The following TMEM117 variants were observed in gnomAD, a reference collection of about 807,000 sequenced individuals.
TMEM117 encodes the protein transmembrane protein 117.
A neutral mutation model predicts 52.4 loss-of-function variants in TMEM117; 27 were observed. That is an observed-to-expected ratio of 0.51 (90% confidence interval 0.38 to 0.71). The LOEUF is 0.71. Ranked by LOEUF, TMEM117 falls within the 30% of genes least tolerant of loss-of-function variation. TMEM117 has a pLI of 0.00. For synonymous variants in TMEM117, 215 were observed against 206.3 expected, an observed-to-expected ratio of 1.04 and a Z score of -0.36; for missense variants, 556 against 630.5, an observed-to-expected ratio of 0.88 and a Z score of 1.26.
chr12:43,927,072 A>G (rs11182337), intron 2 of TMEM117, among the ~76,000 whole-genome samples: 118,661 of 151,968 alleles, frequency 0.78, 49,227 homozygotes, highest in Non-Finnish European at 0.91. Flanking sequence ...CCTATTTTCA[A>G]CTATTTTTGT....
the TMEM117 span, among the ~76,000 whole-genome samples, chr12:43,826,093 C>G: frequency 6.6e-6 from 1 of 152,208 alleles, no homozygotes. Flanking sequence ...CTTGCCCAAG[C>G]CAGAAATCTA....
chr12:43,968,236 A>ACACAGTGG lies in TMEM117; in HGVS notation c.410+23896_410+23897insCAGTGGCA, dbSNP rs1174174377. Among the ~76,000 whole-genome samples, 6 of 152,192 alleles carry ACACAGTGG rather than the reference A, an allele frequency of 3.9e-5. No homozygotes were observed. In the East Asian group the frequency reaches 9.6e-4, roughly 24 times the overall value. ...TAAAATGTAGAGAACACCTTCAGTGACATTTCTAACAACATCCTTACCGTA... is the reference window on the plus strand; with the variant it reads ...TAAAATGTAGAGAACACCTTCAGTGACACAGTGGCATTTCTAACAACATCCTTACCGTA... On this transcript the variant is annotated intron_variant, in intron 3 of 7. Coordinates refer to ENST00000266534, the MANE Select transcript of TMEM117 (RefSeq NM_032256.3).
At chr12:44,316,855 G>A (rs946193120) in intron 6 of TMEM117, among the ~76,000 whole-genome samples, 2 of 151,404 alleles carry the variant, frequency 1.3e-5, no homozygotes, top group African/African-American at 4.9e-5. Flanking sequence ...TTTTCTGTTT[G>A]GTGTAGTATA....
In TMEM117 at chr12:44,024,961, G is replaced by A. The variant is rs180732182; in HGVS notation, c.410+80619G>A. On this transcript the variant is annotated intron_variant, in intron 3 of 7. Coordinates refer to ENST00000266534, the MANE Select transcript of TMEM117 (RefSeq NM_032256.3). Reference sequence around the variant, plus strand: ...TCTATTCCTAAGTGTAGGAAGGTTGGAGTGCTTGAATCAGGAACTAGATTT... The same window carrying A: ...TCTATTCCTAAGTGTAGGAAGGTTGAAGTGCTTGAATCAGGAACTAGATTT... Among the ~76,000 whole-genome samples the A allele has an allele frequency of 2.7e-3, 414 of 152,214 alleles. 4 individuals carry two copies. Among genetic ancestry groups the A allele is most frequent in the African/African-American group, 9.4e-3 (390 of 41,536 alleles).
chr12:44,245,211 G>GA (rs1555141498), intron 5 of TMEM117, among the ~76,000 whole-genome samples: 6 of 150,492 alleles, frequency 4.0e-5, no homozygotes, highest in Non-Finnish European at 8.9e-5. Flanking sequence ...AGTTTTTAGA[G>GA]TTTTTTTTTC....
chr12:43,802,394 T>A, the TMEM117 span: 6 of 1,605,116 alleles, frequency 3.7e-6, no homozygotes, highest in Non-Finnish European at 5.1e-6. Flanking sequence ...CCAACAGGGG[T>A]AAAACAAAGG....
chr12:44,022,774 T>G (rs1845858605), intron 3 of TMEM117, among the ~76,000 whole-genome samples: 1 of 152,194 alleles, frequency 6.6e-6, no homozygotes, highest in Admixed American at 6.5e-5. Context: ...GTATGTTCCT[T>G]TCTCATGATT....
At chr12:43,852,615 C>G (rs935651792) in intron 2 of TMEM117, among the ~76,000 whole-genome samples, 1 of 152,044 alleles carries the variant, frequency 6.6e-6, no homozygotes, top group Non-Finnish European at 1.5e-5. Context: ...CAAACAAAAA[C>G]AATTAATCAT....
intron 2 of TMEM117, among the ~76,000 whole-genome samples, chr12:43,885,409 CTTTT>C (rs1565734585): frequency 1.1e-3 from 48 of 43,598 alleles, no homozygotes; most frequent in Non-Finnish European, 2.1e-3. Context: ...TTTTCTTTTT[CTTTT>C]CTTTTCTTTT....
intron 5 of TMEM117, chr12:44,248,355 G>A (rs867507842): frequency 1.6e-4 from 24 of 152,280 alleles, no homozygotes; most frequent in African/African-American, 5.6e-4. Context: ...GGCAGACATT[G>A]CTCATCAAAC....
intron 3 of TMEM117, among the ~76,000 whole-genome samples, chr12:44,023,538 C>T (rs576377019): frequency 2.6e-5 from 4 of 152,164 alleles, no homozygotes; most frequent in East Asian, 3.9e-4. Context: ...GAGATGGTAT[C>T]TCATTGTGGT....
intron 4 of TMEM117, among the ~76,000 whole-genome samples, chr12:44,207,613 C>A (rs574699854): frequency 6.6e-6 from 1 of 152,092 alleles, no homozygotes; most frequent in African/African-American, 2.4e-5. Flanking sequence ...GATTGATTGT[C>A]AAATCCTTTG....
chr12:44,012,328 G>A lies in TMEM117; in HGVS notation c.410+67986G>A, dbSNP rs548207953. ...GTTCTGTGAGCATCGTGGAGCTGTG[G>A]TTTGTTGTCTAACATTAATTTGGAA... On this transcript the variant is annotated intron_variant, in intron 3 of 7. Transcript: ENST00000266534. 2.7e-5 allele frequency among the ~76,000 whole-genome samples: 4 copies of A among 150,736 alleles called. No homozygotes were observed. The South Asian group carries it at 8.4e-4, about 32-fold the overall frequency.
intron 4 of TMEM117, among the ~76,000 whole-genome samples, chr12:44,163,093 T>C (rs1383309005): frequency 1.3e-5 from 2 of 152,214 alleles, no homozygotes; most frequent in Admixed American, 1.3e-4. Context: ...GCTAGAAAAC[T>C]TTAGAGATGA....
the TMEM117 span, among the ~76,000 whole-genome samples, chr12:43,825,300 G>C: frequency 6.6e-6 from 1 of 152,220 alleles, no homozygotes; most frequent in African/African-American, 2.4e-5. Context: ...TGGCCTACCT[G>C]CTTTTAAGGA....
chr12:43,852,654 T>G (rs766447646), intron 2 of TMEM117, among the ~76,000 whole-genome samples: 6 of 152,230 alleles, frequency 3.9e-5, no homozygotes, highest in African/African-American at 1.4e-4. Flanking sequence ...CTTTATTTCA[T>G]GAAAACATTT....
At chr12:44,101,618 G>T (rs536191448) in intron 3 of TMEM117, among the ~76,000 whole-genome samples, 1 of 152,070 alleles carries the variant, frequency 6.6e-6, no homozygotes, top group East Asian at 1.9e-4. Flanking sequence ...AAACAAGCCT[G>T]GTCTTTCACT....
chr12:44,374,446 C>G (rs1038985340), intron 6 of TMEM117, among the ~76,000 whole-genome samples: 3 of 152,060 alleles, frequency 2.0e-5, no homozygotes, highest in Non-Finnish European at 4.4e-5. Flanking sequence ...CTTCACACCC[C>G]CAGGCCCAAA....
the TMEM117 span, among the ~76,000 whole-genome samples, chr12:43,812,753 C>T: frequency 6.6e-6 from 1 of 151,412 alleles, no homozygotes; most frequent in African/African-American, 2.4e-5. Context: ...TGCCTGTAAT[C>T]GCAGGACTTT....
Sources: gnomAD v4.1 joint callset for allele counts (sites outside exome capture counted in the v4.1 genomes callset) on GRCh38, gnomAD v4.1.1 for gene constraint, MANE v1.5 for transcripts, NCBI Gene and HGNC (gene_info 2026-07-23, HGNC 2026-07-21) for gene names.